Variants in TMEFF2 observed in about 807,000 individuals in gnomAD.
The protein encoded by TMEFF2 is tomoregulin-2.
TMEFF2 carries 28 observed loss-of-function variants against 53.8 expected under a neutral mutation model. That is an observed-to-expected ratio of 0.52 (90% confidence interval 0.39 to 0.71). TMEFF2 has a LOEUF of 0.71. Among genes scored for constraint, TMEFF2 ranks in the 30% least tolerant of loss-of-function variants. The pLI is 0.00. For synonymous variants in TMEFF2, 162 were observed against 166.3 expected (o/e 0.97, Z 0.20); for missense variants, 353 against 455.2 (o/e 0.78, Z 2.04).
At chr2:192,165,919 T>A (rs1690753956) in intron 4 of TMEFF2, among the ~76,000 whole-genome samples, 1 of 152,166 alleles carries the variant, frequency 6.6e-6, no homozygotes, top group Non-Finnish European at 1.5e-5. Flanking sequence ...AAATTCAGAA[T>A]TAGTTGAAAC....
At chr2:192,047,105 G>C (rs1174165922) in intron 5 of TMEFF2, among the ~76,000 whole-genome samples, 2 of 151,876 alleles carry the variant, frequency 1.3e-5, no homozygotes, top group African/African-American at 2.4e-5. Context: ...TATTTTAGTT[G>C]AGACAAGGTT....
chr2:192,188,005 A>G (rs1218186774), intron 2 of TMEFF2, among the ~76,000 whole-genome samples: 2 of 152,200 alleles, frequency 1.3e-5, no homozygotes, highest in Non-Finnish European at 2.9e-5. Flanking sequence ...GAAGGTGCTC[A>G]ACAGATGTTA....
At chr2:191,954,020 T>C (rs1691982956) in intron 8 of TMEFF2, among the ~76,000 whole-genome samples, 183 bp from the exon 9 acceptor site, 1 of 150,744 alleles carries the variant, frequency 6.6e-6, no homozygotes, top group Non-Finnish European at 1.5e-5. Context: ...CCCGAGTAGC[T>C]GGGACTACAG....
intron 4 of TMEFF2, chr2:192,179,084 A>G (rs530230627): frequency 1.3e-5 from 2 of 151,194 alleles, no homozygotes; most frequent in African/African-American, 4.8e-5. Context: ...AAAACTAAAT[A>G]ATGGGAACAT....
rs570855044 is a variant in TMEFF2, at chr2:192,099,715, G to T, written c.440-41940C>A. 4.0e-5 allele frequency among the ~76,000 whole-genome samples: 6 copies of T among 151,290 alleles called. No homozygotes were observed. In the East Asian group the frequency reaches 1.2e-3, roughly 29 times the overall value. On this transcript the variant is annotated intron_variant, in intron 4 of 9. Coordinates refer to ENST00000272771, the MANE Select transcript of TMEFF2 (RefSeq NM_016192.4). ...TAATTATTAGCTGTCTATCAAACTT[G>T]CACAAATAGCTAGGGTTTTACTCCC...
chr2:191,977,124 T>A (rs923513416), intron 7 of TMEFF2, among the ~76,000 whole-genome samples: 18 of 152,348 alleles, frequency 1.2e-4, no homozygotes, highest in South Asian at 4.1e-4. Flanking sequence ...CTGAAGCCGA[T>A]ACATGAAATA....
rs1686986372 is a variant in TMEFF2 at position 192,027,008 on chromosome 2, C to G, written c.537-27800G>C. Among the ~76,000 whole-genome samples the G allele has an allele frequency of 2.0e-5, 3 of 152,210 alleles. No individual in the cohort carries two copies. In the South Asian group the frequency reaches 6.2e-4, roughly 32 times the overall value. On this transcript the variant is annotated intron_variant, in intron 5 of 9. Coordinates refer to ENST00000272771, the MANE Select transcript of TMEFF2 (RefSeq NM_016192.4). ...TGGAACAGTTTCTCCAGATATTCTC[C>G]AGCTGTCCCTTGTATCATTAATTTT...
At chr2:192,128,511 G>A (rs570475987) in intron 4 of TMEFF2, among the ~76,000 whole-genome samples, 7 of 152,230 alleles carry the variant, frequency 4.6e-5, no homozygotes, top group East Asian at 1.9e-4. Context: ...CTGAATGTAC[G>A]GATAGAAAAT....
intron 4 of TMEFF2, chr2:192,179,263 T>C (rs1349554014): frequency 6.0e-6 from 1 of 166,292 alleles, no homozygotes; most frequent in Non-Finnish European, 1.3e-5. Context: ...AGGTTATGTA[T>C]GTCTTATTAG....
chr2:192,069,986 GTGTA>G (rs1688253052), intron 4 of TMEFF2, among the ~76,000 whole-genome samples: 3 of 11,680 alleles, frequency 2.6e-4, no homozygotes, highest in African/African-American at 4.0e-4. Flanking sequence ...GTGTGTGTGT[GTGTA>G]TATATATATA....
intron 4 of TMEFF2, among the ~76,000 whole-genome samples, chr2:192,103,156 T>C (rs1689072485): frequency 6.6e-6 from 1 of 152,188 alleles, no homozygotes; most frequent in African/African-American, 2.4e-5. Flanking sequence ...TCGAACGTGG[T>C]ACTTCTTGAT....
At chr2:191,967,063 C>T (rs1692493293) in intron 7 of TMEFF2, among the ~76,000 whole-genome samples, 1 of 151,158 alleles carries the variant, frequency 6.6e-6, no homozygotes, top group Admixed American at 6.6e-5. Context: ...CTGAAAAGTT[C>T]CATAAAATTG....
chr2:192,075,285 T>TGA (rs1553518756), intron 4 of TMEFF2, among the ~76,000 whole-genome samples: 1 of 65,776 alleles, frequency 1.5e-5, no homozygotes, highest in Non-Finnish European at 2.7e-5. Flanking sequence ...TACAGTACTA[T>TGA]TATATATATA....
intron 4 of TMEFF2, among the ~76,000 whole-genome samples, chr2:192,083,924 T>C (rs1688609683): frequency 6.6e-6 from 1 of 152,018 alleles, no homozygotes; most frequent in South Asian, 2.1e-4. Flanking sequence ...CATTCAGAGC[T>C]TTTTCTATAC....
chr2:192,188,410 C>G (rs11690930), intron 2 of TMEFF2, among the ~76,000 whole-genome samples: 133,795 of 152,202 alleles, frequency 0.88, 58,937 homozygotes, highest in East Asian at 1. Flanking sequence ...AGCTGACAGT[C>G]AGACATATGA....
chr2:191,988,789 C>A (rs1007333784), intron 7 of TMEFF2, among the ~76,000 whole-genome samples: 1 of 42,136 alleles, frequency 2.4e-5, no homozygotes, highest in African/African-American at 8.2e-5. Context: ...AAGATTAAGG[C>A]AGAGGTTTTT....
chr2:191,985,734 C>CT (rs1685960774), intron 7 of TMEFF2, among the ~76,000 whole-genome samples: 1 of 152,128 alleles, frequency 6.6e-6, no homozygotes, highest in East Asian at 1.9e-4. Flanking sequence ...GTGGCAAAGT[C>CT]TTGCTCGTTT....
intron 4 of TMEFF2, among the ~76,000 whole-genome samples, chr2:192,154,985 C>T (rs921580744): frequency 5.9e-5 from 9 of 151,846 alleles, no homozygotes; most frequent in African/African-American, 2.2e-4. Flanking sequence ...TTTTCATACC[C>T]TTCCTGGGAA....
intron 3 of TMEFF2, among the ~76,000 whole-genome samples, chr2:192,181,082 T>G (rs1332700668): frequency 6.6e-6 from 1 of 151,766 alleles, no homozygotes; most frequent in Admixed American, 6.6e-5. Context: ...TCATAAGAAT[T>G]GACTGTTTAA....
Sources: gnomAD v4.1 joint callset for allele counts (sites outside exome capture counted in the v4.1 genomes callset) on GRCh38, gnomAD v4.1.1 for gene constraint, MANE v1.5 for transcripts, NCBI Gene and HGNC (gene_info 2026-07-23, HGNC 2026-07-21) for gene names.